ZNF91: variants seen among roughly 807,000 people sequenced by gnomAD.
ZNF91 encodes the protein zinc finger protein 91 (HPF7, HTF10).
A neutral mutation model predicts 12.6 loss-of-function variants in ZNF91; 7 were observed. That is an observed-to-expected ratio of 0.55 (90% CI 0.31 to 1.04). The LOEUF is 1.04. ZNF91 is among the 50% of genes least tolerant of loss of function. ZNF91 has a pLI of 0.05. For missense variants in ZNF91, 1,217 were observed against 1,385.4 expected, an observed-to-expected ratio of 0.88 and a Z score of 1.93; for synonymous variants, 453 against 462.6, an observed-to-expected ratio of 0.98 and a Z score of 0.27.
Position 23,387,941 on chromosome 19 carries a change from C to CAAAA in ZNF91, c.30+7380_30+7383dup, listed in dbSNP as rs71163499. Among the ~76,000 whole-genome samples the CAAAA allele has an allele frequency of 1.0e-3, 58 of 56,206 alleles. 1 individual carries two copies. The highest frequency in any genetic ancestry group is 0.024 in the Middle Eastern group (1 of 42). The allele number at this position is 56,206 out of a possible 152,430, so 36.9% of individuals were successfully genotyped here. A position where few individuals can be genotyped will look rare whatever the true frequency, so the allele number is the denominator to read the frequency against. The stretch of plus-strand genomic sequence containing the variant: ...CTAGACAACAAGAGTGAGACTGTCT[C>CAAAA]AAAAAAAAAAAAAAAAAAAAAAGGC... On this transcript the variant is annotated intron_variant, in intron 1 of 3. Transcript: ENST00000300619.
At chr19:23,377,994 T>G (rs1969566899) in intron 1 of ZNF91, among the ~76,000 whole-genome samples, 1 of 152,204 alleles carries the variant, frequency 6.6e-6, no homozygotes. Context: ...GAATAAAATC[T>G]AAATATAGAC....
At chr19:23,368,552 CTCTCTCTCTCT>C (rs1969116858) in intron 3 of ZNF91, among the ~76,000 whole-genome samples, 1 of 79,232 alleles carries the variant, frequency 1.3e-5, no homozygotes, top group African/African-American at 5.9e-5. Flanking sequence ...CTCTCTCTCT[CTCTCTCTCTCT>C]ATATATATAT....
At chr19:23,362,761 A>G in intron 3 of ZNF91, 36 bp from the exon 4 acceptor site, 1 of 1,378,386 alleles carries the variant, frequency 7.3e-7, no homozygotes. Context: ...AAATTACTCC[A>G]CTCACCTAGA....
chr19:23,345,699 TTTTC>T (rs1457709290), intron 3 of ZNF91, among the ~76,000 whole-genome samples: 1 of 151,936 alleles, frequency 6.6e-6, no homozygotes, highest in African/African-American at 2.4e-5. Flanking sequence ...CCCCCAAGCC[TTTTC>T]TTTATCTTCT....
rs1160168737 is a variant in ZNF91, at chr19:23,370,040, AAAC to A, written c.253+3699_253+3701del. On this transcript the variant is annotated intron_variant, in intron 3 of 3. Coordinates refer to ENST00000300619, the MANE Select transcript of ZNF91 (RefSeq NM_003430.4). ...AAAAGCAAAAAACAAACAAACAAAC[AAAC>A]AAAACTTATATTGATTGTTGGTGGA... Among the ~76,000 whole-genome samples, 247 of 151,476 alleles carry A rather than the reference AAAC, an allele frequency of 1.6e-3. 1 individual carries two copies. The highest frequency in any genetic ancestry group is 2.3e-3 in the Non-Finnish European group (158 of 67,824).
At chr19:23,372,610 G>A (rs73565043) in intron 3 of ZNF91, among the ~76,000 whole-genome samples, 119 of 152,268 alleles carry the variant, frequency 7.8e-4, no homozygotes, top group African/African-American at 2.7e-3. Context: ...TGAGAATTTT[G>A]AACTGTACTC....
intron 3 of ZNF91, among the ~76,000 whole-genome samples, chr19:23,365,323 T>C (rs1369923072): frequency 6.7e-6 from 1 of 148,952 alleles, no homozygotes; most frequent in Non-Finnish European, 1.5e-5. Context: ...TGCTACATGG[T>C]GTCCAGGCAC....
At chr19:23,384,974 T>C in intron 1 of ZNF91, 5 of 1,022,702 alleles carry the variant, frequency 4.9e-6, no homozygotes, top group South Asian at 3.8e-5. Context: ...GAGCCCGTCA[T>C]GGAGGAAAAA....
At chr19:23,374,867 T>TA (rs1969446680) in intron 1 of ZNF91, 103 bp from the exon 2 acceptor site, 1 of 1,528,674 alleles carries the variant, frequency 6.5e-7, no homozygotes, top group South Asian at 1.2e-5. Flanking sequence ...TGGTTCTGAC[T>TA]TATAAGAGTG....
At chr19:23,324,375 C>T (rs1967796697) in intron 1 of ZNF91, 1 of 151,976 alleles carries the variant, frequency 6.6e-6, no homozygotes, top group African/African-American at 2.4e-5. Flanking sequence ...CCTACTCCTT[C>T]TCTTACTGTG....
At chr19:23,339,808 G>C (rs567203206) in intron 3 of ZNF91, 35 of 152,078 alleles carry the variant, frequency 2.3e-4, no homozygotes, top group Admixed American at 9.2e-4. Flanking sequence ...GCTAGGTGTG[G>C]TGGTGTGCAC....
downstream of ZNF91, among the ~76,000 whole-genome samples, chr19:23,356,501 C>T (rs1968489774): frequency 1.3e-5 from 2 of 152,068 alleles, no homozygotes; most frequent in East Asian, 1.9e-4. Flanking sequence ...AACCAAATAT[C>T]GTATGTTCTC....
At chr19:23,388,924 T>C (rs1209080442) in intron 1 of ZNF91, among the ~76,000 whole-genome samples, 1 of 152,106 alleles carries the variant, frequency 6.6e-6, no homozygotes, top group Admixed American at 6.5e-5. Flanking sequence ...ACCAAATGCA[T>C]GTTATTTATA....
In ZNF91 at chr19:23,362,508, C is replaced by T; in HGVS notation, c.471G>A (p.Gly157=). The change falls in exon 4 of 4, where the codon GGG becomes GGA. Residue 157 remains glycine, a synonymous_variant. Transcript: ENST00000300619. ...TTAQSKVFQC[G]KYLKVFYKFL... ...ATTTATAGAAGACTTTCAAATATTT[C>T]CCACATTGAAATACTTTGCTCTGGG... is the stretch of plus-strand genomic sequence containing the variant. 6.2e-7 allele frequency: 1 copy of T among 1,602,432 alleles called. No individual in the cohort carries two copies. Among genetic ancestry groups the T allele is most frequent in the Non-Finnish European group, 8.5e-7 (1 of 1,175,618 alleles).
chr19:23,385,584 C>A (rs1185516944), intron 1 of ZNF91, among the ~76,000 whole-genome samples: 1 of 152,204 alleles, frequency 6.6e-6, no homozygotes, highest in Non-Finnish European at 1.5e-5. Flanking sequence ...CACAAGAAAT[C>A]TAGCTTGGCC....
chr19:23,345,924 G>C (rs926262340), intron 3 of ZNF91, among the ~76,000 whole-genome samples: 3 of 151,854 alleles, frequency 2.0e-5, no homozygotes, highest in African/African-American at 7.3e-5. Context: ...TCCACTGCCT[G>C]TTAACTCAAC....
chr19:23,384,895 T>C (rs61738904), intron 1 of ZNF91: 264,277 of 762,144 alleles, frequency 0.35, 48,811 homozygotes, highest in Non-Finnish European at 0.39. Flanking sequence ...GTTGCTCTTA[T>C]TGTCACCGGT....
chr19:23,395,455 C>G lies in ZNF91; in HGVS notation c.-101G>C. ...CAGTGAAGTCGAGACCTGGAAACTC[C>G]GGCGGCAGCGAGAGACAAAGGCCCA... On this transcript the variant is annotated 5_prime_UTR_variant, in exon 1 of 4. Transcript: ENST00000300619. 7.0e-7 allele frequency: 1 copy of G among 1,434,492 alleles called. No homozygotes were observed. The highest frequency in any genetic ancestry group is 1.4e-5 in the African/African-American group (1 of 69,642). 88.9% of individuals were successfully genotyped at this position (1,434,492 alleles called of 1,614,324 possible).
At chr19:23,370,619 A>T (rs35528917) in intron 3 of ZNF91, among the ~76,000 whole-genome samples, 15,763 of 152,096 alleles carry the variant, frequency 0.1, 1,259 homozygotes, top group East Asian at 0.37. Flanking sequence ...CTGCCCCTCA[A>T]TCTCTCAAGT....
Sources: allele counts gnomAD v4.1 joint callset (sites outside exome capture counted in the v4.1 genomes callset), GRCh38; gene constraint gnomAD v4.1.1; transcripts MANE v1.5; gene names NCBI Gene and HGNC (gene_info 2026-07-23, HGNC 2026-07-21).